OPTN: variants seen among roughly 807,000 people sequenced by gnomAD.
The protein encoded by OPTN is optineurin, also known as E3-14.7K-interacting protein.
In OPTN, 54 loss-of-function variants were observed where a neutral mutation model predicts 70.4. The observed-to-expected ratio is 0.77, with a 90% CI of 0.62 to 0.96. The LOEUF (loss-of-function observed/expected upper bound fraction) is 0.96, where lower values mean the gene tolerates loss of function less well. Among genes scored for constraint, OPTN ranks in the 40% least tolerant of loss-of-function variants. The pLI is 0.00. For synonymous variants in OPTN, 256 were observed against 248.5 expected (o/e 1.03, Z -0.28); for missense variants, 624 against 673.2 (o/e 0.93, Z 0.81).
At chr10:13,114,982 G>T (rs28441188) in intron 5 of OPTN, among the ~76,000 whole-genome samples, 10 of 8,864 alleles carry the variant, frequency 1.1e-3, no homozygotes, top group Admixed American at 3.4e-3. Context: ...TTTATATATA[G>T]ATATATCTAT....
intron 1 of OPTN, among the ~76,000 whole-genome samples, chr10:13,102,198 C>T (rs965287501): frequency 2.6e-5 from 4 of 152,152 alleles, no homozygotes; most frequent in South Asian, 2.1e-4. Context: ...GAGGCAAGGA[C>T]GCAGAGACAG....
At chr10:13,104,736 T>G in intron 1 of OPTN, 1 of 677,616 alleles carries the variant, frequency 1.5e-6, no homozygotes, top group South Asian at 1.4e-5. Flanking sequence ...CTGCCACCAT[T>G]TAATTTCAAT....
At chr10:13,115,057 ATATG>A (rs373932639) in intron 5 of OPTN, among the ~76,000 whole-genome samples, 3 of 42,792 alleles carry the variant, frequency 7.0e-5, no homozygotes, top group African/African-American at 1.9e-4. Flanking sequence ...AGATATATCT[ATATG>A]TATATATATT....
chr10:13,103,742 G>GCA (rs771828062), intron 1 of OPTN, among the ~76,000 whole-genome samples: 2,708 of 64,868 alleles, frequency 0.042, 68 homozygotes, highest in African/African-American at 0.079. Context: ...ACACACACAT[G>GCA]CACACACACA....
rs777849373 is a variant in OPTN, at chr10:13,133,704, C to T, written c.1612+123C>T. On this transcript the variant is annotated intron_variant, in intron 14 of 14. Coordinates refer to ENST00000378747, the MANE Select transcript of OPTN (RefSeq NM_001008212.2). ...ATCAAGGCACCAAAAATATAGCACC[C>T]GTCAGTCTCATTACCACAGCACTCC... 17 of 817,422 alleles carry T rather than the reference C, an allele frequency of 2.1e-5. 1 individual carries two copies. The highest frequency in any genetic ancestry group is 6.5e-4 in the Middle Eastern group (2 of 3,088). 50.6% of individuals were successfully genotyped at this position (817,422 alleles called of 1,614,324 possible).
intron 13 of OPTN, among the ~76,000 whole-genome samples, chr10:13,132,627 G>A (rs927290430): frequency 1.3e-5 from 2 of 151,910 alleles, no homozygotes; most frequent in South Asian, 2.1e-4. Flanking sequence ...GGTGATCCTC[G>A]TGCCTCAGCC....
rs568122 is a variant in OPTN at position 13,119,241 on chromosome 10, A to G, written c.779+201A>G. Among the ~76,000 whole-genome samples, 10,974 of 152,260 alleles carry G rather than the reference A, an allele frequency of 0.072. 1,077 individuals are homozygous for G. Among genetic ancestry groups the G allele is most frequent in the African/African-American group, 0.22 (9,132 of 41,520 alleles). ...ACAGCACTCACTGTCTGCTCCTCCA[A>G]GCAATGTGCTTTCTGTCTCTATAGA... On this transcript the variant is annotated intron_variant, in intron 7 of 14. Transcript: ENST00000378747.
chr10:13,103,788 G>A (rs1293501492), intron 1 of OPTN, among the ~76,000 whole-genome samples: 3 of 149,626 alleles, frequency 2.0e-5, no homozygotes, highest in East Asian at 2.0e-4. Context: ...TGAGATAGCA[G>A]ATCTGGGAAT....
intron 5 of OPTN, among the ~76,000 whole-genome samples, chr10:13,115,022 T>A (rs1490348380): frequency 2.9e-5 from 3 of 102,404 alleles, no homozygotes; most frequent in Non-Finnish European, 5.2e-5. Context: ...TATAGATATA[T>A]CTATATTTAT....
chr10:13,123,497 G>A (rs544083106), intron 8 of OPTN, among the ~76,000 whole-genome samples: 3 of 152,296 alleles, frequency 2.0e-5, no homozygotes, highest in Admixed American at 6.5e-5. Context: ...TGACTAAAAC[G>A]AATTCAACAG....
rs374641005 is a variant in OPTN at position 13,133,572 on chromosome 10, G to A, written c.1603G>A (p.Val535Ile). 1.2e-6 allele frequency: 2 copies of A among 1,613,926 alleles called. No homozygotes were observed. Among genetic ancestry groups the A allele is most frequent in the Non-Finnish European group, 1.7e-6 (2 of 1,179,842 alleles). Residue 535 changes from valine to isoleucine, a missense_variant, in exon 14 of 15, where the codon GTT becomes ATT. Transcript: ENST00000378747. Reference protein sequence around the residue: ...TSDSDQQAYLVQRGAEDRDWR... With the variant: ...TSDSDQQAYLIQRGAEDRDWR... ...TGACTCTGACCAGCAGGCTTACCTT[G>A]TTCAAAGAGGTGAGTCCCGTGTGAT...
chr10:13,108,596 G>A (rs1832918053), intron 2 of OPTN, among the ~76,000 whole-genome samples: 1 of 150,846 alleles, frequency 6.6e-6, no homozygotes, highest in South Asian at 2.1e-4. Flanking sequence ...GCCCAGGCTG[G>A]AGTGCAGTGG....
At chr10:13,105,223 A>C (rs929185100) in intron 1 of OPTN, among the ~76,000 whole-genome samples, 2 of 152,220 alleles carry the variant, frequency 1.3e-5, no homozygotes, top group African/African-American at 4.8e-5. Flanking sequence ...AACAATACAC[A>C]ATATCACAGA....
Position 13,118,796 on chromosome 10 carries a change from T to A in OPTN, c.627-92T>A, listed in dbSNP as rs1480642275. 7.3e-6 allele frequency: 8 copies of A among 1,091,514 alleles called. No homozygotes were observed. The African/African-American group carries it at 9.3e-5, about 13-fold the overall frequency. The allele number at this position is 1,091,514 out of a possible 1,614,324, so 67.6% of individuals were successfully genotyped here. On this transcript the variant is annotated intron_variant, in intron 6 of 14. Transcript: ENST00000378747. The stretch of plus-strand genomic sequence containing the variant: ...GTTGGAGAATGTTCTGGAAAGCAGT[T>A]CCTTTAAGCTGGTCCCAGTTATATT...
At chr10:13,101,712 T>G (rs571492786) in intron 1 of OPTN, among the ~76,000 whole-genome samples, 1 of 152,350 alleles carries the variant, frequency 6.6e-6, no homozygotes, top group East Asian at 1.9e-4. Context: ...GAATCTGTGT[T>G]ATGAAGTGAT....
intron 11 of OPTN, 146 bp downstream of exon 11, chr10:13,126,185 G>T: frequency 3.1e-6 from 2 of 645,442 alleles, no homozygotes; most frequent in South Asian, 3.6e-5. Flanking sequence ...TGCATCTAGG[G>T]TTTGTAACTT....
Position 13,137,278 on chromosome 10 carries a change from C to T in OPTN, c.*412C>T, listed in dbSNP as rs892485695. On this transcript the variant is annotated 3_prime_UTR_variant, in exon 15 of 15. Coordinates refer to ENST00000378747, the MANE Select transcript of OPTN (RefSeq NM_001008212.2). ...TGGGTGACAGAGGGAGACTCTGTCT[C>T]GAAAGAAAGAAAGAAAAAAAGGAAG... 2.6e-5 allele frequency: 7 copies of T among 269,356 alleles called. No individual in the cohort carries two copies. Among genetic ancestry groups the T allele is most frequent in the Non-Finnish European group, 5.0e-5 (7 of 140,378 alleles). The allele number at this position is 269,356 out of a possible 1,614,324, so 16.7% of individuals were successfully genotyped here. A position where few individuals can be genotyped will look rare whatever the true frequency, so the allele number is the denominator to read the frequency against.
Position 13,119,885 on chromosome 10 carries a change from T to A in OPTN, c.779+845T>A, listed in dbSNP as rs552773470. ...AGAGCCTTTGCCCATTTTTAAAAATTGGGTTATTTGTCTTTTTATGTTGAA... is the reference window on the plus strand; with the variant it reads ...AGAGCCTTTGCCCATTTTTAAAAATAGGGTTATTTGTCTTTTTATGTTGAA... On this transcript the variant is annotated intron_variant, in intron 7 of 14. Coordinates refer to ENST00000378747, the MANE Select transcript of OPTN (RefSeq NM_001008212.2). 5.9e-5 allele frequency among the ~76,000 whole-genome samples: 9 copies of A among 152,310 alleles called. No homozygotes were observed. The South Asian group carries it at 1.7e-3, about 28-fold the overall frequency.
At chr10:13,110,514 T>C (rs75617318) in intron 4 of OPTN, 38 bp downstream of exon 4, 1 of 1,589,894 alleles carries the variant, frequency 6.3e-7, no homozygotes, top group Non-Finnish European at 8.6e-7. Context: ...GTTTTTTTTT[T>C]TTCCCTTGAC....
Sources: gnomAD v4.1 joint callset for allele counts (sites outside exome capture counted in the v4.1 genomes callset) on GRCh38, gnomAD v4.1.1 for gene constraint, MANE v1.5 for transcripts, NCBI Gene and HGNC (gene_info 2026-07-23, HGNC 2026-07-21) for gene names.